Variants in AFG2B observed in about 807,000 individuals in gnomAD.
The protein encoded by AFG2B is AAA ATPase AFG2B, also known as ATPase family gene 2 protein homolog B.
chr15:45,409,294 T>C, the AFG2B span, among the ~76,000 whole-genome samples: 12 of 151,468 alleles, frequency 7.9e-5, no homozygotes, highest in Admixed American at 7.2e-4. Context: ...CGAGAATCAT[T>C]TGAACCCAGG....
chr15:45,407,824 A>T, the AFG2B span, among the ~76,000 whole-genome samples: 19 of 152,366 alleles, frequency 1.2e-4, no homozygotes, highest in African/African-American at 4.6e-4. Context: ...AGATATTTTT[A>T]ATAAAATTTT....
At chr15:45,418,750 C>T in the AFG2B span, 10 of 1,578,216 alleles carry the variant, frequency 6.3e-6, no homozygotes, top group Admixed American at 1.8e-4. Flanking sequence ...TTCATTCACT[C>T]AGCAGTATTT....
At chr15:45,407,172 G>A in the AFG2B span, 12 of 1,271,452 alleles carry the variant, frequency 9.4e-6, no homozygotes, top group South Asian at 1.3e-5. Flanking sequence ...ACAACCCAGG[G>A]GAAGTGGAAG....
At chr15:45,411,757 C>T in the AFG2B span, among the ~76,000 whole-genome samples, 1 of 152,102 alleles carries the variant, frequency 6.6e-6, no homozygotes, top group Non-Finnish European at 1.5e-5. Flanking sequence ...CACTGCACTG[C>T]AGCTTGGGCA....
chr15:45,416,654 T>TG, the AFG2B span, among the ~76,000 whole-genome samples: 7 of 152,206 alleles, frequency 4.6e-5, no homozygotes, highest in Non-Finnish European at 7.3e-5. Context: ...CTAAAATACT[T>TG]GCAAATATAG....
At chr15:45,415,606 C>A in the AFG2B span, 1 of 1,613,586 alleles carries the variant, frequency 6.2e-7, no homozygotes, top group Non-Finnish European at 8.5e-7. Context: ...CAAGCAAGAG[C>A]AAGCACTCCA....
At chr15:45,413,425 C>T in the AFG2B span, among the ~76,000 whole-genome samples, 3 of 152,232 alleles carry the variant, frequency 2.0e-5, no homozygotes, top group African/African-American at 7.2e-5. Context: ...TCTGCCCCCA[C>T]ACTTGGATTC....
chr15:45,405,038 G>A, the AFG2B span, among the ~76,000 whole-genome samples: 1 of 151,978 alleles, frequency 6.6e-6, no homozygotes, highest in African/African-American at 2.4e-5. Flanking sequence ...TGAGTGTTGG[G>A]AATATTTCAG....
chr15:45,403,097 C>T, the AFG2B span: 1 of 1,521,994 alleles, frequency 6.6e-7, no homozygotes, highest in Admixed American at 2.0e-5. Context: ...CTCCGCTACC[C>T]GCGCGCCCTG....
the AFG2B span, chr15:45,405,235 C>T: frequency 7.5e-7 from 1 of 1,328,338 alleles, no homozygotes; most frequent in Non-Finnish European, 1.0e-6. Context: ...CTGCTGTCTA[C>T]CTCCATCCAT....
the AFG2B span, among the ~76,000 whole-genome samples, chr15:45,408,429 G>A: frequency 3.3e-5 from 5 of 151,764 alleles, no homozygotes; most frequent in Non-Finnish European, 7.4e-5. Context: ...ATTTATTTTG[G>A]ACTATTTGAG....
At chr15:45,406,296 C>T in the AFG2B span, among the ~76,000 whole-genome samples, 1 of 152,194 alleles carries the variant, frequency 6.6e-6, no homozygotes, top group Non-Finnish European at 1.5e-5. Context: ...CTGTGTCTTT[C>T]TCATTGCATC....
the AFG2B span, among the ~76,000 whole-genome samples, chr15:45,407,869 C>A: frequency 2.0e-5 from 3 of 152,082 alleles, no homozygotes; most frequent in African/African-American, 7.2e-5. Context: ...AAATGTGTTT[C>A]ACTAGAATGA....
the AFG2B span, chr15:45,410,357 G>A: frequency 6.2e-7 from 1 of 1,601,074 alleles, no homozygotes; most frequent in South Asian, 1.1e-5. Flanking sequence ...TGCTTTTTTG[G>A]GTGTATTTCT....
the AFG2B span, among the ~76,000 whole-genome samples, chr15:45,413,467 T>A: frequency 6.6e-6 from 1 of 152,124 alleles, no homozygotes; most frequent in Non-Finnish European, 1.5e-5. Flanking sequence ...AGCCACCCCA[T>A]CCCCTAAGTC....
At chr15:45,419,690 T>C in the AFG2B span, among the ~76,000 whole-genome samples, 1 of 151,938 alleles carries the variant, frequency 6.6e-6, no homozygotes, top group Non-Finnish European at 1.5e-5. Context: ...CTTTGGGCCC[T>C]TTCCCAACCT....
the AFG2B span, among the ~76,000 whole-genome samples, chr15:45,411,132 G>A: frequency 6.6e-6 from 1 of 152,030 alleles, no homozygotes. Flanking sequence ...AACCCGGGAG[G>A]CAGAGGTTGC....
At chr15:45,418,526 A>G in the AFG2B span, 2 of 1,564,628 alleles carry the variant, frequency 1.3e-6, no homozygotes, top group Admixed American at 2.1e-5. Context: ...ATGTTATAAG[A>G]TTTAAAATAC....
the AFG2B span, among the ~76,000 whole-genome samples, chr15:45,412,128 C>T: frequency 6.6e-6 from 1 of 151,866 alleles, no homozygotes; most frequent in Non-Finnish European, 1.5e-5. Context: ...ATAGGCCGGG[C>T]GTGGTGGCTC....
Sources: allele counts gnomAD v4.1 joint callset (sites outside exome capture counted in the v4.1 genomes callset), GRCh38; gene constraint gnomAD v4.1.1; transcripts MANE v1.5; gene names NCBI Gene and HGNC (gene_info 2026-07-23, HGNC 2026-07-21).